NRG3: variants seen among roughly 807,000 people sequenced by gnomAD.
NRG3 encodes pro-neuregulin-3, membrane-bound isoform.
In NRG3, 31 loss-of-function variants were observed where a neutral mutation model predicts 66.9. The observed-to-expected ratio is 0.46, with a 90% CI of 0.35 to 0.63. The LOEUF (loss-of-function observed/expected upper bound fraction) is 0.63, where lower values mean the gene tolerates loss of function less well. Among genes scored for constraint, NRG3 ranks in the 20% least tolerant of loss-of-function variants. The pLI, the probability that NRG3 is intolerant of heterozygous loss-of-function variation, is 0.00. For synonymous variants in NRG3, 393 were observed against 359.4 expected, an observed-to-expected ratio of 1.09 and a Z score of -1.06; for missense variants, 910 against 878.9, an observed-to-expected ratio of 1.04 and a Z score of -0.45.
intron 3 of NRG3, among the ~76,000 whole-genome samples, chr10:82,829,931 CT>C (rs765059966): frequency 6.6e-6 from 1 of 152,158 alleles, no homozygotes; most frequent in Non-Finnish European, 1.5e-5. Context: ...ATACTTGCCC[CT>C]GGGTGGACAA....
In NRG3 at chr10:82,031,027, T is replaced by G. The variant is rs2062546450; in HGVS notation, c.823+154864T>G. ...TAGATATTCAAGTATTAAATAACTT[T>G]TAAATAACCTGAAACACATGGATCT... On this transcript the variant is annotated intron_variant, in intron 1 of 8. Transcript: ENST00000372141. Among the ~76,000 whole-genome samples, 3 of 152,292 alleles carry G rather than the reference T, an allele frequency of 2.0e-5. No homozygotes were observed. The South Asian group carries it at 6.2e-4, about 32-fold the overall frequency.
intron 1 of NRG3, among the ~76,000 whole-genome samples, chr10:82,050,547 T>C (rs118002421): frequency 3.1e-4 from 47 of 151,994 alleles, no homozygotes; most frequent in African/African-American, 1.1e-3. Flanking sequence ...CAAAGAAAGA[T>C]AGAAGGTCTT....
At chr10:82,200,086 T>C (rs2074709024) in intron 1 of NRG3, among the ~76,000 whole-genome samples, 1 of 152,190 alleles carries the variant, frequency 6.6e-6, no homozygotes, top group Non-Finnish European at 1.5e-5. Context: ...AAATTTTTAT[T>C]GAGCACCTCC....
At chr10:82,132,473 ATATATG>A (rs2068913210) in intron 1 of NRG3, among the ~76,000 whole-genome samples, 3 of 107,810 alleles carry the variant, frequency 2.8e-5, no homozygotes, top group East Asian at 2.4e-4. Flanking sequence ...TATATGATAT[ATATATG>A]ATATATATAT....
At chr10:82,629,666 G>C (rs946308951) in intron 2 of NRG3, among the ~76,000 whole-genome samples, 2 of 152,130 alleles carry the variant, frequency 1.3e-5, no homozygotes. Flanking sequence ...AGCAACCCCT[G>C]GGTAGGGAGG....
At chr10:82,191,811 T>G (rs1354623024) in intron 1 of NRG3, among the ~76,000 whole-genome samples, 1 of 152,170 alleles carries the variant, frequency 6.6e-6, no homozygotes, top group Non-Finnish European at 1.5e-5. Context: ...CTGAGTTCTT[T>G]TATGCAAATG....
At chr10:82,615,565 A>C (rs1305820537) in intron 2 of NRG3, among the ~76,000 whole-genome samples, 2 of 152,176 alleles carry the variant, frequency 1.3e-5, no homozygotes, top group African/African-American at 4.8e-5. Flanking sequence ...AAAATCATGT[A>C]GCTTATTCTA....
chr10:82,426,908 C>T (rs554799317), intron 2 of NRG3, among the ~76,000 whole-genome samples: 6 of 152,238 alleles, frequency 3.9e-5, no homozygotes, highest in Non-Finnish European at 7.4e-5. Flanking sequence ...ACCTCAGCCT[C>T]CCACAGTGCT....
At position 82,741,589 on chromosome 10, in the gene NRG3, T is replaced by G. The variant is rs902820726; in HGVS notation, c.1027+2939T>G. On this transcript the variant is annotated intron_variant, in intron 3 of 8. Coordinates refer to ENST00000372141, the MANE Select transcript of NRG3 (RefSeq NM_001010848.4). ...AAAGGCTTTACATGGATTATTTTAT[T>G]AAACCCTCACAATCACAGTTTAGTA... Among the ~76,000 whole-genome samples, 5 of 152,308 alleles carry G rather than the reference T, an allele frequency of 3.3e-5. 1 individual carries two copies. The highest frequency in any genetic ancestry group is 3.3e-4 in the Admixed American group (5 of 15,302).
intron 2 of NRG3, among the ~76,000 whole-genome samples, chr10:82,505,267 C>G (rs75375298): frequency 0.026 from 4,019 of 152,328 alleles, 166 homozygotes; most frequent in African/African-American, 0.089. Context: ...TAGCTGTTCA[C>G]TGATGTGCCA....
chr10:82,864,594 TA>T (rs1386646669), intron 3 of NRG3, among the ~76,000 whole-genome samples: 5 of 152,136 alleles, frequency 3.3e-5, no homozygotes, highest in Non-Finnish European at 5.9e-5. Context: ...ACTGAATGAT[TA>T]AAAAAAGAAC....
At chr10:81,898,516 T>C (rs1843731624) in intron 1 of NRG3, among the ~76,000 whole-genome samples, 1 of 152,186 alleles carries the variant, frequency 6.6e-6, no homozygotes, top group Non-Finnish European at 1.5e-5. Context: ...ACAATCTAAA[T>C]GTTTACTCTC....
chr10:82,562,301 CCA>C (rs1193765991), intron 2 of NRG3, among the ~76,000 whole-genome samples: 1 of 152,072 alleles, frequency 6.6e-6, no homozygotes, highest in Non-Finnish European at 1.5e-5. Flanking sequence ...TAGATTTTTC[CCA>C]CAGTCTTGAT....
chr10:82,822,544 G>GTT (rs1419325085), intron 3 of NRG3, among the ~76,000 whole-genome samples: 4 of 152,152 alleles, frequency 2.6e-5, no homozygotes, highest in Non-Finnish European at 5.9e-5. Context: ...GAAGGTGATT[G>GTT]CAGGTGTGAT....
chr10:82,673,825 A>G lies in NRG3; in HGVS notation c.954-64752A>G, dbSNP rs1255371561. 3.9e-5 allele frequency among the ~76,000 whole-genome samples: 6 copies of G among 152,190 alleles called. No homozygotes were observed. In the East Asian group the frequency reaches 1.2e-3, roughly 29 times the overall value. On this transcript the variant is annotated intron_variant, in intron 2 of 8. Coordinates refer to ENST00000372141, the MANE Select transcript of NRG3 (RefSeq NM_001010848.4). Reference sequence around the variant, plus strand: ...AAGGAGAGGCCTATGCTAAAAATATAAATATGTGGAGTATCTTTAAGTAAG... The same window carrying G: ...AAGGAGAGGCCTATGCTAAAAATATGAATATGTGGAGTATCTTTAAGTAAG...
chr10:82,157,137 A>G (rs1039095996), intron 1 of NRG3, among the ~76,000 whole-genome samples: 5 of 151,714 alleles, frequency 3.3e-5, no homozygotes, highest in African/African-American at 7.2e-5. Context: ...CATTTAAAAT[A>G]GACTGAGTTT....
At chr10:81,913,165 C>T (rs1314799037) in intron 1 of NRG3, among the ~76,000 whole-genome samples, 1 of 136,454 alleles carries the variant, frequency 7.3e-6, no homozygotes, top group Non-Finnish European at 1.5e-5. Flanking sequence ...ATTTATTCAA[C>T]ACTCATTGAT....
rs548056773 is a variant in NRG3, at chr10:82,887,297, C to T, written c.1054+21860C>T. Among the ~76,000 whole-genome samples, 3 of 152,278 alleles carry T rather than the reference C, an allele frequency of 2.0e-5. No homozygotes were observed. In the South Asian group the frequency reaches 6.2e-4, roughly 32 times the overall value. On this transcript the variant is annotated intron_variant, in intron 4 of 8. Coordinates refer to ENST00000372141, the MANE Select transcript of NRG3 (RefSeq NM_001010848.4). ...CATACCCAAGCATCAGCTCCGATTA[C>T]GCTGAAAGTGTGATGCTCCTCTTAC...
chr10:82,649,287 G>T (rs2051217393), intron 2 of NRG3, among the ~76,000 whole-genome samples: 1 of 152,082 alleles, frequency 6.6e-6, no homozygotes, highest in Non-Finnish European at 1.5e-5. Context: ...TGAGAAGACA[G>T]TTTGGGGTGG....
Sources: allele counts gnomAD v4.1 joint callset (sites outside exome capture counted in the v4.1 genomes callset), GRCh38; gene constraint gnomAD v4.1.1; transcripts MANE v1.5; gene names NCBI Gene and HGNC (gene_info 2026-07-23, HGNC 2026-07-21).